Variants in KIF26B observed in about 807,000 individuals in gnomAD.
The protein encoded by KIF26B is kinesin-like protein KIF26B.
A neutral mutation model predicts 151.2 loss-of-function variants in KIF26B; 63 were observed. That is an observed-to-expected ratio of 0.42 (90% CI 0.34 to 0.51). The LOEUF (loss-of-function observed/expected upper bound fraction) is 0.51, where lower values mean the gene tolerates loss of function less well. Ranked by LOEUF, KIF26B falls within the 20% of genes least tolerant of loss-of-function variation. The pLI, the probability that KIF26B is intolerant of heterozygous loss-of-function variation, is 0.07. For missense variants in KIF26B, 2,813 were observed against 2,913.6 expected, an observed-to-expected ratio of 0.97 and a Z score of 0.79; for synonymous variants, 1,357 against 1,262.1, an observed-to-expected ratio of 1.08 and a Z score of -1.59.
chr1:245,345,931 CTTTCTTTT>C (rs1470345810), intron 2 of KIF26B, among the ~76,000 whole-genome samples: 2 of 139,360 alleles, frequency 1.4e-5, no homozygotes, highest in Admixed American at 7.0e-5. Context: ...TTCTTTCTTT[CTTTCTTTT>C]TTTTTTTTTT....
chr1:245,650,347 C>T (rs2044001741), intron 10 of KIF26B, among the ~76,000 whole-genome samples: 1 of 152,228 alleles, frequency 6.6e-6, no homozygotes, highest in Admixed American at 6.5e-5. Flanking sequence ...TAGGCAGAAG[C>T]GTTGAAATGA....
chr1:245,475,521 T>C (rs1660015870), intron 4 of KIF26B, among the ~76,000 whole-genome samples: 2 of 151,986 alleles, frequency 1.3e-5, no homozygotes, highest in Admixed American at 6.5e-5. Context: ...CATTCCAGCC[T>C]GGGCGACAGA....
chr1:245,498,474 A>G (rs1389657038), intron 4 of KIF26B, among the ~76,000 whole-genome samples: 1 of 152,208 alleles, frequency 6.6e-6, no homozygotes, highest in Admixed American at 6.5e-5. Context: ...GTTTATCCAC[A>G]GCAACCAGCA....
At chr1:245,178,876 G>A (rs1668856836) in intron 2 of KIF26B, among the ~76,000 whole-genome samples, 2 of 152,210 alleles carry the variant, frequency 1.3e-5, no homozygotes, top group Admixed American at 6.5e-5. Context: ...CGAGCAGACG[G>A]GGGCTCTGTC....
intron 5 of KIF26B, among the ~76,000 whole-genome samples, chr1:245,588,134 A>T (rs979201361): frequency 1.3e-5 from 2 of 152,138 alleles, no homozygotes; most frequent in African/African-American, 4.8e-5. Context: ...GGAATACGGC[A>T]TATACTTTAA....
chr1:245,483,833 G>A (rs1558184116), intron 4 of KIF26B, among the ~76,000 whole-genome samples: 1 of 151,844 alleles, frequency 6.6e-6, no homozygotes, highest in Non-Finnish European at 1.5e-5. Flanking sequence ...CAATCGGGAA[G>A]CATATTTCCT....
At chr1:245,513,721 A>T (rs576351651) in intron 4 of KIF26B, among the ~76,000 whole-genome samples, 1 of 152,266 alleles carries the variant, frequency 6.6e-6, no homozygotes, top group African/African-American at 2.4e-5. Context: ...TGTTGTAAAA[A>T]CCAAGCGTGG....
In KIF26B at chr1:245,257,579, G is replaced by C. The variant is rs113788348; in HGVS notation, c.465+100896G>C. Among the ~76,000 whole-genome samples the C allele has an allele frequency of 8.6e-3, 1,313 of 152,294 alleles. 19 individuals carry two copies. The highest frequency in any genetic ancestry group is 0.03 in the African/African-American group (1,239 of 41,544). On this transcript the variant is annotated intron_variant, in intron 2 of 14. Coordinates refer to ENST00000407071, the MANE Select transcript of KIF26B (RefSeq NM_018012.4). ...GTCGTTAAACGAGTTACTCTTCAGG[G>C]CCCGTCGTGTGAAAAGCTTTGCTGC...
At chr1:245,390,674 C>T (rs754553360) in intron 3 of KIF26B, among the ~76,000 whole-genome samples, 2 of 151,926 alleles carry the variant, frequency 1.3e-5, no homozygotes, top group Non-Finnish European at 2.9e-5. Flanking sequence ...GAATAACAAA[C>T]CAACAAACTA....
At chr1:245,547,566 A>G (rs111311513) in intron 5 of KIF26B, among the ~76,000 whole-genome samples, 2 of 136,630 alleles carry the variant, frequency 1.5e-5, no homozygotes, top group African/African-American at 5.7e-5. Flanking sequence ...AGGCTGGGCG[A>G]CAGAGCGAGA....
chr1:245,306,326 A>T (rs941282892), intron 2 of KIF26B, among the ~76,000 whole-genome samples: 1 of 152,210 alleles, frequency 6.6e-6, no homozygotes, highest in African/African-American at 2.4e-5. Context: ...AGTGTCTAGA[A>T]GAGGCAAATC....
chr1:245,556,261 C>T (rs545280986), intron 5 of KIF26B, among the ~76,000 whole-genome samples: 1 of 123,502 alleles, frequency 8.1e-6, no homozygotes, highest in African/African-American at 3.0e-5. Flanking sequence ...CCTCCTTCCT[C>T]CCTCCTCCTC....
In KIF26B at chr1:245,514,033, T is replaced by C. The variant is rs546834306; in HGVS notation, c.1167-26734T>C. 2.0e-5 allele frequency among the ~76,000 whole-genome samples: 3 copies of C among 152,264 alleles called. 1 individual carries two copies. Among genetic ancestry groups the C allele is most frequent in the African/African-American group, 7.2e-5 (3 of 41,558 alleles). On this transcript the variant is annotated intron_variant, in intron 4 of 14. Transcript: ENST00000407071. ...GGAGACACTGCGGGGGAGAAACATG[T>C]AAATATCGTTAATAACAATGCATCG... is the stretch of plus-strand genomic sequence containing the variant.
intron 2 of KIF26B, among the ~76,000 whole-genome samples, chr1:245,209,889 C>T (rs1264526365): frequency 2.0e-5 from 3 of 152,184 alleles, no homozygotes; most frequent in Non-Finnish European, 4.4e-5. Flanking sequence ...GCACGCTCGG[C>T]GTGCAAGGCA....
intron 3 of KIF26B, chr1:245,370,603 A>AG (rs1435149064): frequency 4.4e-6 from 2 of 456,728 alleles, no homozygotes; most frequent in South Asian, 3.1e-5. Flanking sequence ...CACACGTGGC[A>AG]GGGGCCGGTT....
rs142495651 is a variant in KIF26B, at chr1:245,166,441, A to C, written c.465+9758A>C. On this transcript the variant is annotated intron_variant, in intron 2 of 14. Coordinates refer to ENST00000407071, the MANE Select transcript of KIF26B (RefSeq NM_018012.4). The surrounding 1 kb of genome is among the most constrained non-coding windows in gnomAD (Gnocchi z 4.5). ...TAGAGTTGTCACCACAGAAAGTTTAAGGGAGCTCAGTGGATGTAAATAGCG... is the reference window on the plus strand; with the variant it reads ...TAGAGTTGTCACCACAGAAAGTTTACGGGAGCTCAGTGGATGTAAATAGCG... Among the ~76,000 whole-genome samples the C allele has an allele frequency of 1.6e-4, 25 of 152,322 alleles. No homozygotes were observed. In the East Asian group the frequency reaches 4.4e-3, roughly 27 times the overall value.
chr1:245,206,542 A>C (rs1256939905), intron 2 of KIF26B: 2 of 152,248 alleles, frequency 1.3e-5, no homozygotes, highest in African/African-American at 4.8e-5. Context: ...ACAGTTGCAC[A>C]TAGCTATGCA....
At chr1:245,399,708 A>G (rs558056937) in intron 3 of KIF26B, among the ~76,000 whole-genome samples, 2 of 152,324 alleles carry the variant, frequency 1.3e-5, no homozygotes, top group East Asian at 3.9e-4. Context: ...AGCTTTGGTT[A>G]GCTTGGTAAA....
rs750309558 is a variant in KIF26B at position 245,686,800 on chromosome 1, A to G, written c.3817A>G (p.Ser1273Gly). Residue 1273 changes from serine to glycine, a missense_variant, in exon 12 of 15, where the codon AGC becomes GGC. Ser to Gly is a moderately conservative substitution (Grantham distance 56). Coordinates refer to ENST00000407071, the MANE Select transcript of KIF26B (RefSeq NM_018012.4). The surrounding 1 kb of genome is among the most constrained non-coding windows in gnomAD (Gnocchi z 5.6). ...GGATGAGAAGGCCCAGGACGCAGGG[A>G]GCAGACGCTCTTCCATCAGCTCCTG... ...SLDEKAQDAG[S>G]RRSSISSWLS... 3.1e-6 allele frequency: 5 copies of G among 1,613,500 alleles called. No homozygotes were observed. Among genetic ancestry groups the G allele is most frequent in the Non-Finnish European group, 3.4e-6 (4 of 1,179,808 alleles).
Sources: allele counts gnomAD v4.1 joint callset (sites outside exome capture counted in the v4.1 genomes callset), GRCh38; gene constraint gnomAD v4.1.1; non-coding constraint Gnocchi (gnomAD v3.1); transcripts MANE v1.5; gene names NCBI Gene and HGNC (gene_info 2026-07-23, HGNC 2026-07-21).